Variants in MPRIP observed in about 807,000 individuals in gnomAD.
MPRIP encodes myosin phosphatase Rho-interacting protein.
In MPRIP, 59 loss-of-function variants were observed where a neutral mutation model predicts 234.9. The observed-to-expected ratio is 0.25, with a 90% CI of 0.20 to 0.31. The LOEUF is 0.31. Among genes scored for constraint, MPRIP ranks in the 10% least tolerant of loss-of-function variants. The pLI is 1.00. For synonymous variants in MPRIP, 1,144 were observed against 1,263.9 expected (o/e 0.91, Z 2.01); for missense variants, 2,436 against 3,071.0 (o/e 0.79, Z 4.89).
At chr17:17,080,787 A>G (rs1022123322) in intron 3 of MPRIP, among the ~76,000 whole-genome samples, 2 of 152,258 alleles carry the variant, frequency 1.3e-5, no homozygotes, top group Non-Finnish European at 2.9e-5. Flanking sequence ...GTGATTTGCT[A>G]TTAGCTCTGC....
rs2046475698 is a variant in MPRIP, at chr17:17,186,389, A to T, written c.*1495A>T. 1 of 152,118 alleles carries T rather than the reference A, an allele frequency of 6.6e-6. No individual in the cohort carries two copies. Among genetic ancestry groups the T allele is most frequent in the African/African-American group, 2.4e-5 (1 of 41,404 alleles). The allele number at this position is 152,118 out of a possible 1,614,324, so 9.4% of individuals were successfully genotyped here. A position where few individuals can be genotyped will look rare whatever the true frequency, so the allele number is the denominator to read the frequency against. Reference sequence around the variant, plus strand: ...GCCGGGAGCAAGGCCTGGAGTTTTCATGTGTTTTCAGACCCAGGTTTAGGT... The same window carrying T: ...GCCGGGAGCAAGGCCTGGAGTTTTCTTGTGTTTTCAGACCCAGGTTTAGGT... On this transcript the variant is annotated 3_prime_UTR_variant, in exon 24 of 24. Transcript: ENST00000651222.
At chr17:17,059,739 G>A (rs2088816046) in intron 1 of MPRIP, among the ~76,000 whole-genome samples, 1 of 152,206 alleles carries the variant, frequency 6.6e-6, no homozygotes, top group Non-Finnish European at 1.5e-5. Flanking sequence ...TGCAGAGGCT[G>A]GTAGACATCA....
intron 1 of MPRIP, chr17:17,057,922 T>G: frequency 1.9e-6 from 1 of 519,416 alleles, no homozygotes; most frequent in Non-Finnish European, 3.4e-6. Flanking sequence ...ACAATATAAA[T>G]CTAAATAATA....
intron 4 of MPRIP, among the ~76,000 whole-genome samples, chr17:17,128,183 A>G (rs1260451642): frequency 6.6e-6 from 1 of 152,124 alleles, no homozygotes; most frequent in African/African-American, 2.4e-5. Context: ...CGGGCAGCAC[A>G]CAGCCGAGGC....
chr17:17,113,046 T>C (rs1378474803), intron 3 of MPRIP, among the ~76,000 whole-genome samples: 1 of 152,178 alleles, frequency 6.6e-6, no homozygotes, highest in Non-Finnish European at 1.5e-5. Context: ...GCTGTCCACT[T>C]GGGGACTCCC....
At chr17:17,160,386 G>A (rs2045836797) in intron 14 of MPRIP, among the ~76,000 whole-genome samples, 1 of 152,180 alleles carries the variant, frequency 6.6e-6, no homozygotes, top group African/African-American at 2.4e-5. Flanking sequence ...ATAAAAGTCA[G>A]GGGTCTCCCC....
chr17:17,143,733 T>A, intron 9 of MPRIP, 64 bp downstream of exon 9: 2 of 1,066,362 alleles, frequency 1.9e-6, no homozygotes, highest in Non-Finnish European at 1.4e-6. Flanking sequence ...TCTGAGGCGC[T>A]GTCTGTTTCT....
At chr17:17,057,006 G>T (rs761306856) in intron 1 of MPRIP, among the ~76,000 whole-genome samples, 1 of 152,244 alleles carries the variant, frequency 6.6e-6, no homozygotes, top group Non-Finnish European at 1.5e-5. Flanking sequence ...CCTTTTGGCC[G>T]TTGTGGATAG....
At chr17:17,179,567 C>T (rs940507320) in intron 22 of MPRIP, 1 of 155,844 alleles carries the variant, frequency 6.4e-6, no homozygotes, top group African/African-American at 2.4e-5. Context: ...GCCTAAAGGA[C>T]TGCTATCTGG....
intron 1 of MPRIP, among the ~76,000 whole-genome samples, chr17:17,048,026 CTACATCCGCG>C (rs1365822976): frequency 3.9e-5 from 6 of 152,168 alleles, no homozygotes; most frequent in African/African-American, 1.2e-4. Context: ...TGCTCAGCTT[CTACATCCGCG>C]TGTTGATCTG....
chr17:17,181,820 T>G (rs979405703), intron 23 of MPRIP: 4 of 152,216 alleles, frequency 2.6e-5, no homozygotes, highest in Non-Finnish European at 5.9e-5. Flanking sequence ...AGTAACTCTG[T>G]GCAGTGAGTG....
intron 22 of MPRIP, among the ~76,000 whole-genome samples, chr17:17,179,299 T>C (rs1045105624): frequency 2.6e-5 from 4 of 152,008 alleles, no homozygotes; most frequent in Non-Finnish European, 5.9e-5. Context: ...ATACAAAAAT[T>C]AGCTGGACAT....
At chr17:17,108,016 C>G (rs2090095940) in intron 3 of MPRIP, among the ~76,000 whole-genome samples, 1 of 152,214 alleles carries the variant, frequency 6.6e-6, no homozygotes, top group Non-Finnish European at 1.5e-5. Flanking sequence ...AGGGCCATTT[C>G]CCTGTAGATA....
intron 11 of MPRIP, 115 bp from the exon 12 acceptor site, chr17:17,150,027 CAG>C: frequency 1.4e-6 from 1 of 736,680 alleles, no homozygotes; most frequent in Non-Finnish European, 2.4e-6. Flanking sequence ...CCTCACTTGT[CAG>C]TGTGTATACT....
At chr17:17,173,854 A>AC in intron 18 of MPRIP, 62 bp from the exon 19 acceptor site, 1 of 1,592,912 alleles carries the variant, frequency 6.3e-7, no homozygotes. Flanking sequence ...AAGGAGGGAC[A>AC]CCGGCCTCTG....
rs34804730 is a variant in MPRIP, at chr17:17,066,723, C to CTTTTTTTTTTTTTTTTTTTTT, written c.124-8961_124-8941dup. Among the ~76,000 whole-genome samples, 5 of 36,688 alleles carry CTTTTTTTTTTTTTTTTTTTTT rather than the reference C, an allele frequency of 1.4e-4. 2 individuals carry two copies. Among genetic ancestry groups the CTTTTTTTTTTTTTTTTTTTTT allele is most frequent in the Non-Finnish European group, 3.0e-4 (5 of 16,614 alleles). The allele number at this position is 36,688 out of a possible 152,430, so 24.1% of individuals were successfully genotyped here. A position where few individuals can be genotyped will look rare whatever the true frequency, so the allele number is the denominator to read the frequency against. ...TCAAACCCACAGATACTTTTTTCAT[C>CTTTTTTTTTTTTTTTTTTTTT]TTTTTTTTTTTTTTTTTTTTTTTTT... is the stretch of plus-strand genomic sequence containing the variant. On this transcript the variant is annotated intron_variant, in intron 1 of 23. Coordinates refer to ENST00000651222, the MANE Select transcript of MPRIP (RefSeq NM_001364716.4).
chr17:17,191,791 ACACT>A lies in MPRIP; in HGVS notation c.*6900_*6903del, dbSNP rs1429551054. 6.6e-6 allele frequency: 1 copy of A among 152,268 alleles called. No homozygotes were observed. Among genetic ancestry groups the A allele is most frequent in the Non-Finnish European group, 1.5e-5 (1 of 68,038 alleles). The allele number at this position is 152,268 out of a possible 1,614,324, so 9.4% of individuals were successfully genotyped here. A position where few individuals can be genotyped will look rare whatever the true frequency, so the allele number is the denominator to read the frequency against. On this transcript the variant is annotated 3_prime_UTR_variant, in exon 24 of 24. Transcript: ENST00000651222. The stretch of plus-strand genomic sequence containing the variant: ...GACAGCTAGGAATAGATTGTGAAGA[ACACT>A]CAGTTCACTACTGTGTTACATTTAT...
At chr17:17,125,051 G>A (rs1410095234) in intron 3 of MPRIP, among the ~76,000 whole-genome samples, 1 of 152,092 alleles carries the variant, frequency 6.6e-6, no homozygotes, top group African/African-American at 2.4e-5. Flanking sequence ...GCTGCCTCCT[G>A]TACCCTCTCC....
chr17:17,155,190 G>C (rs561060243), intron 13 of MPRIP, among the ~76,000 whole-genome samples: 1 of 152,102 alleles, frequency 6.6e-6, no homozygotes, highest in East Asian at 1.9e-4. Flanking sequence ...CTGTGGGTTA[G>C]GCTGCTTGGG....
Sources: allele counts gnomAD v4.1 joint callset (sites outside exome capture counted in the v4.1 genomes callset), GRCh38; gene constraint gnomAD v4.1.1; transcripts MANE v1.5; gene names NCBI Gene and HGNC (gene_info 2026-07-23, HGNC 2026-07-21).